The following TMEFF1 variants were observed in gnomAD, a reference collection of about 807,000 sequenced individuals.
The protein encoded by TMEFF1 is tomoregulin-1.
Under a neutral mutation model 47.5 loss-of-function variants are expected in TMEFF1, and 20 were observed. That is an observed-to-expected ratio of 0.42 (90% CI 0.30 to 0.61). TMEFF1 has a LOEUF of 0.61. TMEFF1 is among the 20% of genes least tolerant of loss of function. TMEFF1 has a pLI of 0.19. For missense variants in TMEFF1, 411 were observed against 471.1 expected, an observed-to-expected ratio of 0.87 and a Z score of 1.18; for synonymous variants, 162 against 166.3, an observed-to-expected ratio of 0.97 and a Z score of 0.20.
intron 1 of TMEFF1, among the ~76,000 whole-genome samples, chr9:100,480,695 CACTCAAAA>C (rs1293626966): frequency 6.6e-6 from 1 of 151,898 alleles, no homozygotes. Flanking sequence ...GGCAGACTTA[CACTCAAAA>C]AAAAGGTCTT....
At chr9:100,527,300 G>T (rs1360933448) in intron 5 of TMEFF1, among the ~76,000 whole-genome samples, 4 of 152,206 alleles carry the variant, frequency 2.6e-5, no homozygotes, top group Admixed American at 6.5e-5. Flanking sequence ...CGCAGAACAC[G>T]GTGATTTCTG....
chr9:100,490,455 C>A (rs1459046368), intron 1 of TMEFF1, among the ~76,000 whole-genome samples: 1 of 152,008 alleles, frequency 6.6e-6, no homozygotes, highest in Non-Finnish European at 1.5e-5. Context: ...TAGAGGTGCC[C>A]CTCAGATTGG....
At chr9:100,535,341 A>C (rs1587843028) in intron 5 of TMEFF1, among the ~76,000 whole-genome samples, 1 of 152,108 alleles carries the variant, frequency 6.6e-6, no homozygotes. Flanking sequence ...CCTTTCCTTA[A>C]TTACTTAATT....
chr9:100,557,625 A>G (rs938515583), intron 7 of TMEFF1, among the ~76,000 whole-genome samples: 2 of 152,030 alleles, frequency 1.3e-5, no homozygotes, highest in Admixed American at 1.3e-4. Flanking sequence ...CTTAAGTCCT[A>G]CCCTATCAAT....
chr9:100,536,757 G>A (rs1304582885), intron 5 of TMEFF1, among the ~76,000 whole-genome samples: 1 of 152,168 alleles, frequency 6.6e-6, no homozygotes, highest in East Asian at 1.9e-4. Context: ...ATGAATCTAA[G>A]CAAGATAATC....
intron 5 of TMEFF1, among the ~76,000 whole-genome samples, chr9:100,527,477 A>G (rs2118428902): frequency 6.6e-6 from 1 of 152,320 alleles, no homozygotes; most frequent in African/African-American, 2.4e-5. Context: ...GAAAGGGGTG[A>G]CAGACGGCAC....
Position 100,473,836 on chromosome 9 carries a change from C to T in TMEFF1, c.196+96C>T, listed in dbSNP as rs572529317. 1.2e-3 allele frequency: 1,638 copies of T among 1,340,206 alleles called. 11 individuals carry two copies. In the African/African-American group the frequency reaches 0.021, roughly 18 times the overall value. 83.0% of individuals were successfully genotyped at this position (1,340,206 alleles called of 1,614,324 possible). A position where few individuals can be genotyped will look rare whatever the true frequency, so the allele number is the denominator to read the frequency against. On this transcript the variant is annotated intron_variant, in intron 1 of 9. Coordinates refer to ENST00000374879, the MANE Select transcript of TMEFF1 (RefSeq NM_003692.5). The surrounding 1 kb of genome is among the most constrained non-coding windows in gnomAD (Gnocchi z 5.4). ...TCGGCCGGGCTGGGAAAGACCCCGT[C>T]GTGGGGGTCCCAGGGGTGGGCCCGA...
chr9:100,563,468 C>G (rs10989156), intron 8 of TMEFF1, among the ~76,000 whole-genome samples: 41,112 of 152,100 alleles, frequency 0.27, 6,761 homozygotes, highest in African/African-American at 0.46. Flanking sequence ...AGGATTGAAT[C>G]GTGTACAGGT....
intron 1 of TMEFF1, among the ~76,000 whole-genome samples, chr9:100,480,896 T>C (rs1837326945): frequency 6.6e-6 from 1 of 152,202 alleles, no homozygotes; most frequent in Non-Finnish European, 1.5e-5. Context: ...GATACAGATG[T>C]GGTGTCATGG....
chr9:100,539,914 A>G (rs1011244306), intron 5 of TMEFF1, among the ~76,000 whole-genome samples: 20 of 152,272 alleles, frequency 1.3e-4, no homozygotes, highest in African/African-American at 4.8e-4. Context: ...TGCATTTACA[A>G]ACCTTTAGCT....
intron 5 of TMEFF1, among the ~76,000 whole-genome samples, chr9:100,525,131 A>T (rs561747858): frequency 6.6e-6 from 1 of 152,286 alleles, no homozygotes; most frequent in South Asian, 2.1e-4. Context: ...TATAGCTGTC[A>T]TCCCAGGATC....
At chr9:100,531,919 C>T (rs1432021987) in intron 5 of TMEFF1, among the ~76,000 whole-genome samples, 1 of 149,882 alleles carries the variant, frequency 6.7e-6, no homozygotes, top group East Asian at 1.9e-4. Context: ...CAGAACAGAG[C>T]CCTCAGAAAT....
chr9:100,557,731 CA>C (rs1838940811), intron 7 of TMEFF1, among the ~76,000 whole-genome samples: 2 of 152,034 alleles, frequency 1.3e-5, no homozygotes, highest in South Asian at 4.1e-4. Context: ...TGTAAACTGC[CA>C]CATGGGACCC....
intron 7 of TMEFF1, among the ~76,000 whole-genome samples, chr9:100,560,073 A>C (rs370723422): frequency 1.3e-3 from 205 of 152,144 alleles, no homozygotes; most frequent in African/African-American, 4.6e-3. Context: ...GATCTTCTCC[A>C]TACACATACA....
chr9:100,506,592 C>T (rs1587826459), intron 2 of TMEFF1, among the ~76,000 whole-genome samples: 2 of 151,544 alleles, frequency 1.3e-5, no homozygotes, highest in African/African-American at 2.4e-5. Flanking sequence ...AGTGAAACCC[C>T]GTCTCTACTA....
At chr9:100,563,208 C>G (rs1839055869) in intron 8 of TMEFF1, among the ~76,000 whole-genome samples, 1 of 152,240 alleles carries the variant, frequency 6.6e-6, no homozygotes, top group African/African-American at 2.4e-5. Context: ...GTGCCTCAGA[C>G]TCCCAAAGTG....
chr9:100,555,203 A>G lies in TMEFF1; in HGVS notation c.775+5043A>G, dbSNP rs535863827. 1.5e-4 allele frequency among the ~76,000 whole-genome samples: 23 copies of G among 152,040 alleles called. No homozygotes were observed. In the South Asian group the frequency reaches 4.6e-3, roughly 30 times the overall value. The stretch of plus-strand genomic sequence containing the variant: ...CACACACACACACACACGCACACAC[A>G]TTGTTGCAGTTGCAACAGACTAGCA... On this transcript the variant is annotated intron_variant, in intron 7 of 9. Coordinates refer to ENST00000374879, the MANE Select transcript of TMEFF1 (RefSeq NM_003692.5).
At position 100,572,478 on chromosome 9, in the gene TMEFF1, T is replaced by A. The variant is rs1207937035; in HGVS notation, c.900-40T>A. On this transcript the variant is annotated intron_variant, in intron 8 of 9. Transcript: ENST00000374879. ...TGTAAAAGCTTGGGAGTATCAAAATTTGTAATTTTCATAGGAATATATATA... is the reference window on the plus strand; with the variant it reads ...TGTAAAAGCTTGGGAGTATCAAAATATGTAATTTTCATAGGAATATATATA... The A allele has an allele frequency of 2.7e-6, 4 of 1,482,570 alleles. No homozygotes were observed. In the East Asian group the frequency reaches 9.6e-5, roughly 36 times the overall value. 91.8% of individuals were successfully genotyped at this position (1,482,570 alleles called of 1,614,324 possible).
rs187381179 is a variant in TMEFF1, at chr9:100,553,349, C to G, written c.775+3189C>G. ...GTTCTCACAGCATTTATAGGAGGCC[C>G]TTAGTAAATATCCACGTCTGCAACA... On this transcript the variant is annotated intron_variant, in intron 7 of 9. Coordinates refer to ENST00000374879, the MANE Select transcript of TMEFF1 (RefSeq NM_003692.5). 2.1e-3 allele frequency among the ~76,000 whole-genome samples: 314 copies of G among 152,166 alleles called. 1 individual carries two copies. Among genetic ancestry groups the G allele is most frequent in the African/African-American group, 7.4e-3 (309 of 41,492 alleles).
Sources: allele counts gnomAD v4.1 joint callset (sites outside exome capture counted in the v4.1 genomes callset), GRCh38; gene constraint gnomAD v4.1.1; non-coding constraint Gnocchi (gnomAD v3.1); transcripts MANE v1.5; gene names NCBI Gene and HGNC (gene_info 2026-07-23, HGNC 2026-07-21).